Variants in ZBTB20 observed in about 807,000 individuals in gnomAD.
ZBTB20 encodes the protein zinc finger and BTB domain containing 20, also known as zinc finger and BTB domain-containing protein 20.
A neutral mutation model predicts 56.9 loss-of-function variants in ZBTB20; 9 were observed. That is an observed-to-expected ratio of 0.16 (90% CI 0.10 to 0.28). The LOEUF is 0.28. Among genes scored for constraint, ZBTB20 ranks in the 10% least tolerant of loss-of-function variants. The pLI is 1.00. For synonymous variants in ZBTB20, 417 were observed against 420.7 expected, an observed-to-expected ratio of 0.99 and a Z score of 0.11; for missense variants, 655 against 1,003.0, an observed-to-expected ratio of 0.65 and a Z score of 4.69.
chr3:114,655,727 G>C (rs796232113), intron 6 of ZBTB20, among the ~76,000 whole-genome samples: 2 of 152,214 alleles, frequency 1.3e-5, no homozygotes, highest in African/African-American at 4.8e-5. Context: ...TTATGCAAAT[G>C]TGAGTATCTT....
chr3:114,601,021 A>G (rs2056722997), intron 6 of ZBTB20, among the ~76,000 whole-genome samples: 1 of 151,896 alleles, frequency 6.6e-6, no homozygotes, highest in African/African-American at 2.4e-5. Context: ...AAAGAATGGA[A>G]TTTTTAAAAT....
At chr3:114,721,030 G>A (rs990189829) in intron 5 of ZBTB20, among the ~76,000 whole-genome samples, 3 of 152,170 alleles carry the variant, frequency 2.0e-5, no homozygotes, top group Non-Finnish European at 4.4e-5. Flanking sequence ...TGAAGGGCAT[G>A]AGAGAAAGCA....
At chr3:114,712,319 T>C (rs1481904435) in intron 5 of ZBTB20, among the ~76,000 whole-genome samples, 2 of 152,124 alleles carry the variant, frequency 1.3e-5, no homozygotes, top group African/African-American at 4.8e-5. Flanking sequence ...CAACCTCTCT[T>C]ACAGTTATAT....
intron 1 of ZBTB20, among the ~76,000 whole-genome samples, chr3:115,112,283 C>A (rs114048870): frequency 0.025 from 3,726 of 152,012 alleles, 71 homozygotes; most frequent in Non-Finnish European, 0.035. Flanking sequence ...TTATCCATCA[C>A]CCTGAGTATT....
chr3:114,605,842 T>G (rs1324464816), intron 6 of ZBTB20, among the ~76,000 whole-genome samples: 1 of 151,564 alleles, frequency 6.6e-6, no homozygotes, highest in African/African-American at 2.4e-5. Context: ...AAAAAAAAAG[T>G]ACAGAGCAAG....
Position 114,935,770 on chromosome 3 carries a change from T to C in ZBTB20, c.-455-35428A>G, listed in dbSNP as rs117056238. Among the ~76,000 whole-genome samples the C allele has an allele frequency of 1.5e-3, 229 of 152,314 alleles. 3 individuals are homozygous for C. The East Asian group carries it at 0.036, about 24-fold the overall frequency. On this transcript the variant is annotated intron_variant, in intron 3 of 11. Transcript: ENST00000675478. ...CCTGTGCTATTTGGTTTTAAGCACC[T>C]CTTACCCCCAAGGCCTCATGGCTCT...
chr3:114,463,271 G>A (rs1262545000), intron 7 of ZBTB20, among the ~76,000 whole-genome samples: 1 of 152,190 alleles, frequency 6.6e-6, no homozygotes. Flanking sequence ...TCTTTAGCAG[G>A]AGAGTAAAGA....
chr3:114,562,732 C>T lies in ZBTB20; in HGVS notation c.-294-62341G>A, dbSNP rs537289952. On this transcript the variant is annotated intron_variant, in intron 6 of 11. Coordinates refer to ENST00000675478, the MANE Select transcript of ZBTB20 (RefSeq NM_001348800.3). ...CACTTGAACACTTAGAGGTCATTGC[C>T]GGGTTATTAACTGGCCTTATTTCAA... 3.9e-5 allele frequency among the ~76,000 whole-genome samples: 6 copies of T among 152,088 alleles called. No individual in the cohort carries two copies. In the South Asian group the frequency reaches 8.3e-4, roughly 21 times the overall value.
At chr3:115,087,312 T>A (rs1323378071) in intron 1 of ZBTB20, among the ~76,000 whole-genome samples, 5 of 151,924 alleles carry the variant, frequency 3.3e-5, no homozygotes, top group Admixed American at 2.0e-4. Flanking sequence ...AGCTCAGAAC[T>A]ATTTATTCAA....
chr3:114,930,132 T>C (rs1307214764), intron 3 of ZBTB20, among the ~76,000 whole-genome samples: 1 of 152,062 alleles, frequency 6.6e-6, no homozygotes, highest in East Asian at 1.9e-4. Flanking sequence ...AAACACCACA[T>C]TGCCTAAGAT....
At chr3:114,629,129 T>C (rs1190323616) in intron 6 of ZBTB20, among the ~76,000 whole-genome samples, 1 of 152,202 alleles carries the variant, frequency 6.6e-6, no homozygotes, top group Non-Finnish European at 1.5e-5. Flanking sequence ...TCAGGGCTCA[T>C]AGGCAGATCT....
intron 5 of ZBTB20, among the ~76,000 whole-genome samples, chr3:114,746,362 G>T (rs2067043673): frequency 6.6e-6 from 1 of 151,616 alleles, no homozygotes; most frequent in Admixed American, 6.6e-5. Context: ...AGTGTGTTTT[G>T]TTTGTTTGTT....
At chr3:114,351,955 A>T in intron 10 of ZBTB20, 77 bp from the exon 11 acceptor site, 1 of 1,526,056 alleles carries the variant, frequency 6.6e-7, no homozygotes, top group Non-Finnish European at 8.9e-7. Flanking sequence ...CCTAGGTTTC[A>T]GGTGAGTAAT....
At chr3:114,959,801 G>C (rs1396080831) in intron 3 of ZBTB20, among the ~76,000 whole-genome samples, 1 of 151,744 alleles carries the variant, frequency 6.6e-6, no homozygotes, top group Non-Finnish European at 1.5e-5. Flanking sequence ...CAAATTTAGA[G>C]AGTCTAGATT....
intron 2 of ZBTB20, among the ~76,000 whole-genome samples, chr3:115,062,071 G>A (rs754423724): frequency 5.3e-5 from 8 of 152,050 alleles, no homozygotes; most frequent in Admixed American, 3.9e-4. Flanking sequence ...GTCATTAAAC[G>A]TTCAGTTCAC....
At chr3:114,916,640 T>G (rs1169261248) in intron 3 of ZBTB20, among the ~76,000 whole-genome samples, 1 of 152,150 alleles carries the variant, frequency 6.6e-6, no homozygotes, top group Non-Finnish European at 1.5e-5. Context: ...TTCTCCCTCA[T>G]GTTTGAAGGA....
chr3:114,891,501 A>G, intron 4 of ZBTB20, among the ~76,000 whole-genome samples: 1 of 152,186 alleles, frequency 6.6e-6, no homozygotes, highest in Non-Finnish European at 1.5e-5. Flanking sequence ...ACCATTTTAG[A>G]ATTCACTCTT....
intron 4 of ZBTB20, among the ~76,000 whole-genome samples, chr3:114,839,537 G>C (rs910035537): frequency 5.3e-5 from 8 of 152,218 alleles, no homozygotes; most frequent in Admixed American, 6.5e-5. Context: ...TATAATAGAG[G>C]AATCTCTCAA....
rs569827206 is a variant in ZBTB20 at position 114,935,966 on chromosome 3, G to A, written c.-455-35624C>T. Reference sequence around the variant, plus strand: ...CCATCCTCAAAATCAGAGAAAGGGGGGCTCATTCTAGAGGTAAATTTACAA... The same window carrying A: ...CCATCCTCAAAATCAGAGAAAGGGGAGCTCATTCTAGAGGTAAATTTACAA... On this transcript the variant is annotated intron_variant, in intron 3 of 11. Coordinates refer to ENST00000675478, the MANE Select transcript of ZBTB20 (RefSeq NM_001348800.3). Among the ~76,000 whole-genome samples the A allele has an allele frequency of 1.2e-4, 19 of 152,108 alleles. No homozygotes were observed. The East Asian group carries it at 3.7e-3, about 29-fold the overall frequency.
Sources: allele counts gnomAD v4.1 joint callset (sites outside exome capture counted in the v4.1 genomes callset), GRCh38; gene constraint gnomAD v4.1.1; transcripts MANE v1.5; gene names NCBI Gene and HGNC (gene_info 2026-07-23, HGNC 2026-07-21).